The following SUMF1 variants were observed in gnomAD, a reference collection of about 807,000 sequenced individuals.
SUMF1 encodes the protein formylglycine-generating enzyme.
In SUMF1, 48 loss-of-function variants were observed where a neutral mutation model predicts 47.6. That is an observed-to-expected ratio of 1.01 (90% CI 0.80 to 1.28). SUMF1 has a LOEUF of 1.28. Among genes scored for constraint, SUMF1 ranks in the 50% most tolerant of loss-of-function variants. SUMF1 has a pLI of 0.00. For synonymous variants in SUMF1, 230 were observed against 192.1 expected (o/e 1.20, Z -1.63); for missense variants, 571 against 485.4 (o/e 1.18, Z -1.66).
At chr3:4,180,125 A>G (rs1254306122) in intron 8 of SUMF1, among the ~76,000 whole-genome samples, 1 of 152,214 alleles carries the variant, frequency 6.6e-6, no homozygotes, top group African/African-American at 2.4e-5. Flanking sequence ...CCATTGTGGA[A>G]GACAGTGTGG....
At chr3:4,454,864 A>ATTC (rs1703102181) in intron 1 of SUMF1, among the ~76,000 whole-genome samples, 1 of 152,238 alleles carries the variant, frequency 6.6e-6, no homozygotes, top group South Asian at 2.1e-4. Context: ...AAATGTCCAG[A>ATTC]ATAGGCAAAT....
At chr3:4,141,277 T>C (rs1008443252) in intron 8 of SUMF1, among the ~76,000 whole-genome samples, 1 of 152,126 alleles carries the variant, frequency 6.6e-6, no homozygotes, top group Non-Finnish European at 1.5e-5. Flanking sequence ...ATAAGCACTG[T>C]GCATACTGGA....
intron 8 of SUMF1, among the ~76,000 whole-genome samples, chr3:4,195,160 A>G (rs1383609549): frequency 6.6e-6 from 1 of 152,132 alleles, no homozygotes; most frequent in Non-Finnish European, 1.5e-5. Flanking sequence ...TCATTAAGAT[A>G]CACATTACAA....
At chr3:4,168,078 A>G (rs188839674) in intron 8 of SUMF1, among the ~76,000 whole-genome samples, 48 of 152,282 alleles carry the variant, frequency 3.2e-4, no homozygotes, top group Admixed American at 3.1e-3. Context: ...CCATTACCCA[A>G]TACAGAGCCT....
chr3:4,053,291 G>A (rs1352764508), intron 9 of SUMF1, among the ~76,000 whole-genome samples: 4 of 152,064 alleles, frequency 2.6e-5, no homozygotes, highest in Admixed American at 6.5e-5. Context: ...TATGGACATG[G>A]TTCGTGGCAC....
intron 3 of SUMF1, among the ~76,000 whole-genome samples, chr3:4,426,515 T>G (rs769474126): frequency 1.3e-5 from 2 of 152,244 alleles, no homozygotes; most frequent in African/African-American, 4.8e-5. Context: ...GTTCTTGAAC[T>G]CCTGATTCTG....
At chr3:4,184,028 G>C (rs1048856482) in intron 8 of SUMF1, among the ~76,000 whole-genome samples, 2 of 151,944 alleles carry the variant, frequency 1.3e-5, no homozygotes, top group South Asian at 4.2e-4. Context: ...CCACCTACTC[G>C]GGAGGCTGAA....
intron 8 of SUMF1, among the ~76,000 whole-genome samples, chr3:4,250,350 G>T (rs944104705): frequency 1.3e-5 from 2 of 151,832 alleles, no homozygotes; most frequent in Non-Finnish European, 2.9e-5. Flanking sequence ...GGAAGGGAAA[G>T]AAAGGAAAGA....
At chr3:4,150,265 T>A (rs59008831) in intron 8 of SUMF1, among the ~76,000 whole-genome samples, 26 of 147,590 alleles carry the variant, frequency 1.8e-4, no homozygotes, top group Non-Finnish European at 3.2e-4. Context: ...GCTAATTTTT[T>A]AAAAAAATTT....
chr3:4,100,272 C>A (rs1435727892), intron 8 of SUMF1, among the ~76,000 whole-genome samples: 1 of 151,830 alleles, frequency 6.6e-6, no homozygotes, highest in African/African-American at 2.4e-5. Flanking sequence ...AGGCATCACA[C>A]TACCTGATTA....
chr3:4,314,246 A>G (rs1352292258), intron 8 of SUMF1: 1 of 159,336 alleles, frequency 6.3e-6, no homozygotes, highest in East Asian at 1.9e-4. Context: ...CAGGTGAGAA[A>G]TAGTCTCTCC....
In SUMF1 at chr3:4,258,748, C is replaced by A. The variant is rs1440406913; in HGVS notation, c.1014+117582G>T. On this transcript the variant is annotated intron_variant and NMD_transcript_variant, in intron 8 of 12. Coordinates refer to the SUMF1 transcript ENST00000448413. The stretch of plus-strand genomic sequence containing the variant: ...GAACTAGAAATACCATTTGACCCAG[C>A]CATCCCATTACTGGGTATATACCCA... Among the ~76,000 whole-genome samples, 85 of 140,308 alleles carry A rather than the reference C, an allele frequency of 6.1e-4. 1 individual carries two copies. The highest frequency in any genetic ancestry group is 3.0e-3 in the Admixed American group (42 of 13,978). 92.0% of individuals were successfully genotyped at this position (140,308 alleles called of 152,430 possible).
At chr3:4,180,620 C>A (rs1204040395) in intron 8 of SUMF1, among the ~76,000 whole-genome samples, 1 of 150,684 alleles carries the variant, frequency 6.6e-6, no homozygotes, top group African/African-American at 2.5e-5. Flanking sequence ...TGCAGCAAGC[C>A]AACATGGCAC....
intron 9 of SUMF1, among the ~76,000 whole-genome samples, chr3:4,036,318 C>G (rs976982759): frequency 3.3e-5 from 5 of 152,154 alleles, no homozygotes; most frequent in African/African-American, 1.2e-4. Flanking sequence ...TTTAGAGCTC[C>G]TATAAACTGT....
rs150037732 is a variant in SUMF1, at chr3:4,362,609, C to A, written c.1015-355G>T. Among the ~76,000 whole-genome samples the A allele has an allele frequency of 1.1e-4, 17 of 152,230 alleles. No individual in the cohort carries two copies. In the East Asian group the frequency reaches 3.3e-3, roughly 29 times the overall value. ...TGTCTTTACATAGTATTTAATGACACAGGAAGTTTTCATGATAAAATGTTA... is the reference window on the plus strand; with the variant it reads ...TGTCTTTACATAGTATTTAATGACAAAGGAAGTTTTCATGATAAAATGTTA... On this transcript the variant is annotated intron_variant, in intron 8 of 8. Coordinates refer to ENST00000272902, the MANE Select transcript of SUMF1 (RefSeq NM_182760.4).
intron 8 of SUMF1, among the ~76,000 whole-genome samples, chr3:4,280,538 G>A (rs1697506890): frequency 6.6e-6 from 1 of 152,056 alleles, no homozygotes; most frequent in Non-Finnish European, 1.5e-5. Context: ...TGAGAGGAAG[G>A]CTTTATAGAG....
intron 8 of SUMF1, among the ~76,000 whole-genome samples, chr3:4,235,216 A>G (rs943242302): frequency 6.6e-6 from 1 of 152,150 alleles, no homozygotes; most frequent in Non-Finnish European, 1.5e-5. Context: ...CTGGCTGGAT[A>G]AAGGGGGATA....
intron 9 of SUMF1, among the ~76,000 whole-genome samples, chr3:4,043,396 G>A (rs564370668): frequency 6.6e-6 from 1 of 152,056 alleles, no homozygotes; most frequent in East Asian, 1.9e-4. Context: ...TTCTATTTCT[G>A]CTGAGAAAAC....
intron 8 of SUMF1, among the ~76,000 whole-genome samples, chr3:4,104,054 C>G (rs981035208): frequency 6.6e-5 from 10 of 151,988 alleles, no homozygotes; most frequent in African/African-American, 2.2e-4. Flanking sequence ...TTCATTTAGC[C>G]CTTGATATGG....
Sources: gnomAD v4.1 joint callset for allele counts (sites outside exome capture counted in the v4.1 genomes callset) on GRCh38, gnomAD v4.1.1 for gene constraint, MANE v1.5 for transcripts, NCBI Gene and HGNC (gene_info 2026-07-23, HGNC 2026-07-21) for gene names.